Variants in ARHGEF28 observed in about 807,000 individuals in gnomAD.
ARHGEF28 encodes the protein 190 kDa guanine nucleotide exchange factor.
In ARHGEF28, 152 loss-of-function variants were observed where a neutral mutation model predicts 206.6. That is an observed-to-expected ratio of 0.74 (90% CI 0.64 to 0.84). ARHGEF28 has a LOEUF of 0.84. ARHGEF28 is among the 40% of genes least tolerant of loss of function. The pLI is 0.00. For missense variants in ARHGEF28, 2,028 were observed against 2,073.2 expected, an observed-to-expected ratio of 0.98 and a Z score of 0.42; for synonymous variants, 763 against 776.4, an observed-to-expected ratio of 0.98 and a Z score of 0.29.
chr5:73,852,352 C>G (rs1758758305), intron 13 of ARHGEF28, among the ~76,000 whole-genome samples: 1 of 152,132 alleles, frequency 6.6e-6, no homozygotes, highest in African/African-American at 2.4e-5. Flanking sequence ...AAAGATAGAG[C>G]TAATTTTCTG....
chr5:73,688,721 A>G (rs1274444753), intron 2 of ARHGEF28, among the ~76,000 whole-genome samples: 1 of 152,094 alleles, frequency 6.6e-6, no homozygotes, highest in East Asian at 1.9e-4. Context: ...CAGTGGCACA[A>G]TCTTGGCTCA....
At chr5:73,910,376 C>A in intron 34 of ARHGEF28, among the ~76,000 whole-genome samples, 1 of 75,072 alleles carries the variant, frequency 1.3e-5, no homozygotes. Flanking sequence ...AGTAAAACAC[C>A]ATCTCAAAAA....
At chr5:73,657,764 TC>T (rs1282690773) in intron 1 of ARHGEF28, among the ~76,000 whole-genome samples, 1 of 152,208 alleles carries the variant, frequency 6.6e-6, no homozygotes, top group Admixed American at 6.5e-5. Context: ...TCTTGTTTTT[TC>T]CTTTGGCTAC....
chr5:73,925,341 C>T (rs1763739089), intron 35 of ARHGEF28, among the ~76,000 whole-genome samples: 1 of 152,222 alleles, frequency 6.6e-6, no homozygotes, highest in South Asian at 2.1e-4. Flanking sequence ...CATCCCCAAC[C>T]TTTTGTACAT....
intron 2 of ARHGEF28, among the ~76,000 whole-genome samples, chr5:73,717,430 C>T (rs531661974): frequency 3.3e-5 from 5 of 152,170 alleles, no homozygotes; most frequent in Non-Finnish European, 7.3e-5. Context: ...TCTCCCTATT[C>T]TCTTCCCTGT....
intron 2 of ARHGEF28, among the ~76,000 whole-genome samples, chr5:73,699,117 G>A (rs1467269373): frequency 1.3e-5 from 2 of 152,138 alleles, no homozygotes; most frequent in South Asian, 4.2e-4. Context: ...AATTATTGGT[G>A]GCAGAAGAGG....
chr5:73,828,180 A>G (rs1444399539), intron 9 of ARHGEF28: 2 of 152,208 alleles, frequency 1.3e-5, no homozygotes, highest in East Asian at 3.9e-4. Flanking sequence ...GTGTCCTTTA[A>G]GGCTTATTTT....
At chr5:73,805,430 G>C (rs1160495457) in intron 9 of ARHGEF28, among the ~76,000 whole-genome samples, 1 of 152,150 alleles carries the variant, frequency 6.6e-6, no homozygotes, top group Non-Finnish European at 1.5e-5. Flanking sequence ...GGTGGAGAGA[G>C]GTGCAGATCT....
intron 7 of ARHGEF28, among the ~76,000 whole-genome samples, chr5:73,782,331 C>T (rs746775029): frequency 2.0e-5 from 3 of 151,916 alleles, no homozygotes; most frequent in Non-Finnish European, 4.4e-5. Flanking sequence ...GCCAGCTACT[C>T]GGGAGGCTGA....
At chr5:73,732,208 T>C (rs1750662760) in intron 2 of ARHGEF28, among the ~76,000 whole-genome samples, 1 of 152,158 alleles carries the variant, frequency 6.6e-6, no homozygotes, top group Non-Finnish European at 1.5e-5. Context: ...TCCTCTGTGC[T>C]CTGCCTATTC....
intron 14 of ARHGEF28, among the ~76,000 whole-genome samples, chr5:73,855,978 C>G (rs1759006182): frequency 6.6e-6 from 1 of 152,140 alleles, no homozygotes; most frequent in Admixed American, 6.5e-5. Flanking sequence ...GTGACCTAAC[C>G]ATTCTTTAAT....
intron 2 of ARHGEF28, among the ~76,000 whole-genome samples, chr5:73,703,907 C>T (rs1748758587): frequency 6.6e-6 from 1 of 151,730 alleles, no homozygotes; most frequent in Non-Finnish European, 1.5e-5. Context: ...GCCTGTAGTC[C>T]CAGCTATTTG....
intron 4 of ARHGEF28, among the ~76,000 whole-genome samples, chr5:73,753,818 G>A (rs370010918): frequency 4.6e-5 from 7 of 152,308 alleles, no homozygotes; most frequent in African/African-American, 1.7e-4. Context: ...ATCAATAGAT[G>A]CTTTTTAAAA....
intron 7 of ARHGEF28, among the ~76,000 whole-genome samples, chr5:73,789,190 T>C (rs929558734): frequency 6.6e-6 from 1 of 152,200 alleles, no homozygotes; most frequent in Non-Finnish European, 1.5e-5. Flanking sequence ...TACCTATCTA[T>C]CTAATGGAAT....
At chr5:73,698,535 A>T (rs919449209) in intron 2 of ARHGEF28, among the ~76,000 whole-genome samples, 3 of 152,028 alleles carry the variant, frequency 2.0e-5, no homozygotes, top group Non-Finnish European at 2.9e-5. Context: ...GCATTGAAAG[A>T]CGTCTTTGGG....
intron 4 of ARHGEF28, among the ~76,000 whole-genome samples, chr5:73,759,419 G>A (rs575061998): frequency 8.3e-4 from 126 of 152,276 alleles, no homozygotes; most frequent in African/African-American, 2.9e-3. Flanking sequence ...GAGAAGGGTC[G>A]TTAGTATAAC....
chr5:73,792,515 T>TA (rs1189892658), intron 7 of ARHGEF28, among the ~76,000 whole-genome samples: 1 of 152,214 alleles, frequency 6.6e-6, no homozygotes, highest in African/African-American at 2.4e-5. Context: ...AATGATCATT[T>TA]AAGAGTTTAT....
At position 73,635,113 on chromosome 5, in the gene ARHGEF28, G is replaced by A. The variant is rs1392587105; in HGVS notation, c.-12+8791G>A. ...AATCCCAGCACTTTGGGAGCCCGAG[G>A]CAGGTGGATCACCTGAGGTGGAGAG... On this transcript the variant is annotated intron_variant, in intron 1 of 35. Coordinates refer to ENST00000513042, the MANE Select transcript of ARHGEF28 (RefSeq NM_001177693.2). 1.3e-4 allele frequency among the ~76,000 whole-genome samples: 20 copies of A among 152,286 alleles called. No homozygotes were observed. In the East Asian group the frequency reaches 3.5e-3, roughly 26 times the overall value.
chr5:73,874,561 C>G (rs1367876601), intron 22 of ARHGEF28, among the ~76,000 whole-genome samples: 7 of 39,226 alleles, frequency 1.8e-4, no homozygotes, highest in African/African-American at 9.1e-4. Context: ...TCCCTCCCCC[C>G]TCCCCCCTCC....
Sources: gnomAD v4.1 joint callset for allele counts (sites outside exome capture counted in the v4.1 genomes callset) on GRCh38, gnomAD v4.1.1 for gene constraint, MANE v1.5 for transcripts, NCBI Gene and HGNC (gene_info 2026-07-23, HGNC 2026-07-21) for gene names.